The following MRC2 variants were observed in gnomAD, a reference collection of about 807,000 sequenced individuals.
MRC2 encodes the protein C-type mannose receptor 2.
MRC2 carries 84 observed loss-of-function variants against 206.2 expected under a neutral mutation model. The ratio of observed to expected loss-of-function variants is 0.41; its 90% CI spans 0.34 to 0.49. MRC2 has a LOEUF of 0.49. Ranked by LOEUF, MRC2 falls within the 20% of genes least tolerant of loss-of-function variation. The pLI, the probability that MRC2 is intolerant of heterozygous loss-of-function variation, is 0.31. For missense variants in MRC2, 1,676 were observed against 2,001.5 expected, an observed-to-expected ratio of 0.84 and a Z score of 3.10; for synonymous variants, 798 against 800.0, an observed-to-expected ratio of 1.00 and a Z score of 0.04.
intron 1 of MRC2, among the ~76,000 whole-genome samples, chr17:62,654,051 G>A (rs1157873296): frequency 6.6e-6 from 1 of 152,150 alleles, no homozygotes; most frequent in African/African-American, 2.4e-5. Flanking sequence ...TGGCCTGGAG[G>A]TTAAGCAGCT....
chr17:62,655,996 C>G (rs1262755895), intron 1 of MRC2, among the ~76,000 whole-genome samples: 2 of 152,086 alleles, frequency 1.3e-5, no homozygotes, highest in African/African-American at 4.8e-5. Context: ...CTCAGTTATT[C>G]CTCCTGCCTC....
chr17:62,634,226 G>A (rs746114103), intron 1 of MRC2, among the ~76,000 whole-genome samples: 3 of 152,116 alleles, frequency 2.0e-5, no homozygotes, highest in African/African-American at 4.8e-5. Flanking sequence ...CTGTCGTGGC[G>A]CTGATAGGAG....
rs1291124019 is a variant in MRC2, at chr17:62,667,835, C to T, written c.1117+302C>T. Among the ~76,000 whole-genome samples, 1 of 152,204 alleles carries T rather than the reference C, an allele frequency of 6.6e-6. No individual in the cohort carries two copies. Among genetic ancestry groups the T allele is most frequent in the Non-Finnish European group, 1.5e-5 (1 of 68,042 alleles). On this transcript the variant is annotated intron_variant, in intron 6 of 29. Coordinates refer to ENST00000303375, the MANE Select transcript of MRC2 (RefSeq NM_006039.5). This position sits in a 1 kb window ranked among gnomAD's most constrained non-coding sequence, Gnocchi z 4.1. Reference sequence around the variant, plus strand: ...TCAATGCAGTTAGACTATCCCAGGTCATGAGTGATTATAGAAATATGGATC... The same window carrying T: ...TCAATGCAGTTAGACTATCCCAGGTTATGAGTGATTATAGAAATATGGATC...
Position 62,675,869 on chromosome 17 carries a change from C to T in MRC2, c.1649C>T (p.Thr550Ile), listed in dbSNP as rs1269891915. The T allele has an allele frequency of 6.2e-7, 1 of 1,614,158 alleles. No homozygotes were observed. Among genetic ancestry groups the T allele is most frequent in the Non-Finnish European group, 8.5e-7 (1 of 1,180,010 alleles). The change falls in exon 10 of 30, where the codon ACT (threonine) becomes ATT (isoleucine). Residue 550 changes from threonine (T) to isoleucine (I), a missense_variant. Around this residue, in one of 3 missense-constraint regions of MRC2, gnomAD observed 1,354 missense variants for 1,636.6 expected, o/e 0.83. Coordinates refer to ENST00000303375, the MANE Select transcript of MRC2 (RefSeq NM_006039.5). This position sits in a 1 kb window ranked among gnomAD's most constrained non-coding sequence, Gnocchi z 4.1. ...VTYSEARRLC[T>I]DHGSQLVTIT... is the part of the protein sequence containing the mutation. ...TACAGTGAGGCCCGGCGCCTGTGCA[C>T]TGACCATGGCTCTCAGCTGGTCACC... is the stretch of plus-strand genomic sequence containing the variant.
intron 1 of MRC2, among the ~76,000 whole-genome samples, chr17:62,651,339 C>T (rs897882638): frequency 5.9e-5 from 9 of 152,152 alleles, no homozygotes; most frequent in African/African-American, 2.2e-4. Context: ...ACCTCGGCCT[C>T]CCAGAGTGCT....
Position 62,688,847 on chromosome 17 carries a change from C to T in MRC2, c.3226-5C>T, listed in dbSNP as rs201713767. 13 of 1,607,090 alleles carry T rather than the reference C, an allele frequency of 8.1e-6. No homozygotes were observed. In the East Asian group the frequency reaches 8.9e-5, roughly 11 times the overall value. ...GGGCTCCCCTGAGCAGCTCCCTCCC[C>T]CCAGACCAGCTGTGCAGTGGTCCTG... is the stretch of plus-strand genomic sequence containing the variant. On this transcript the variant is annotated splice_polypyrimidine_tract_variant and splice_region_variant and intron_variant, in intron 22 of 29. Coordinates refer to ENST00000303375, the MANE Select transcript of MRC2 (RefSeq NM_006039.5).
At chr17:62,641,460 C>T (rs2460296) in intron 1 of MRC2, among the ~76,000 whole-genome samples, 99,588 of 151,980 alleles carry the variant, frequency 0.66, 32,853 homozygotes, top group East Asian at 0.81. Context: ...AGGAAGGACT[C>T]AACGGGAAGC....
At chr17:62,644,854 G>A (rs2088456366) in intron 1 of MRC2, among the ~76,000 whole-genome samples, 1 of 152,090 alleles carries the variant, frequency 6.6e-6, no homozygotes, top group Admixed American at 6.6e-5. Flanking sequence ...GTCACCAGCT[G>A]GAGCTGGTTC....
At position 62,652,421 on chromosome 17, in the gene MRC2, C is replaced by A. The variant is rs1300865158; in HGVS notation, c.119-12127C>A. On this transcript the variant is annotated intron_variant, in intron 1 of 29. Transcript: ENST00000303375. This position sits in a 1 kb window ranked among gnomAD's most constrained non-coding sequence, Gnocchi z 4.6. ...AAGTGATCGCGTGGCCACGGCGAGG[C>A]TCTGCCTCCGCCCCCGCGCTCCGGG... 6.6e-6 allele frequency among the ~76,000 whole-genome samples: 1 copy of A among 152,264 alleles called. No homozygotes were observed. Among genetic ancestry groups the A allele is most frequent in the African/African-American group, 2.4e-5 (1 of 41,472 alleles).
chr17:62,692,618 C>A lies in MRC2; in HGVS notation c.*167C>A. ...AGAGCCTGGGCTGGTGGGGTGCCAC[C>A]CTCCCACAAGGGCTGGGCTGAGACC... On this transcript the variant is annotated 3_prime_UTR_variant, in exon 30 of 30. Transcript: ENST00000303375. The surrounding 1 kb of genome is among the most constrained non-coding windows in gnomAD (Gnocchi z 4.2). The A allele has an allele frequency of 1.4e-6, 1 of 696,896 alleles. No homozygotes were observed. The highest frequency in any genetic ancestry group is 2.4e-6 in the Non-Finnish European group (1 of 423,832). 43.2% of individuals were successfully genotyped at this position (696,896 alleles called of 1,614,324 possible).
chr17:62,691,138 G>C lies in MRC2; in HGVS notation c.4192+10G>C, dbSNP rs770233232. On this transcript the variant is annotated intron_variant, in intron 28 of 29. Transcript: ENST00000303375. ...TGCAAGCTTCCTCGTGGTGAGCGCCGGGCAGGCCCACGCTCAGCCTCCTTC... is the reference window on the plus strand; with the variant it reads ...TGCAAGCTTCCTCGTGGTGAGCGCCCGGCAGGCCCACGCTCAGCCTCCTTC... 6.3e-7 allele frequency: 1 copy of C among 1,592,882 alleles called. No individual in the cohort carries two copies. The highest frequency in any genetic ancestry group is 8.5e-7 in the Non-Finnish European group (1 of 1,172,164).
Position 62,666,383 on chromosome 17 carries a change from T to G in MRC2, c.695-72T>G. On this transcript the variant is annotated intron_variant, in intron 3 of 29. Coordinates refer to ENST00000303375, the MANE Select transcript of MRC2 (RefSeq NM_006039.5). The surrounding 1 kb of genome is among the most constrained non-coding windows in gnomAD (Gnocchi z 5.0). ...CCCCTCCCCTACCTAGTGTAGCCTT[T>G]TGGTGGGGGAGGGTCTGCACTCCCG... 1 of 1,604,702 alleles carries G rather than the reference T, an allele frequency of 6.2e-7. No homozygotes were observed. The highest frequency in any genetic ancestry group is 8.5e-7 in the Non-Finnish European group (1 of 1,176,374).
At chr17:62,632,295 C>T (rs900940260) in intron 1 of MRC2, among the ~76,000 whole-genome samples, 4 of 152,054 alleles carry the variant, frequency 2.6e-5, no homozygotes, top group African/African-American at 7.2e-5. Flanking sequence ...GGAATTCCAC[C>T]GGTTGTTTCC....
Position 62,666,228 on chromosome 17 carries a change from TACGGCAA to T in MRC2, c.657_663del (p.Tyr219Ter), listed in dbSNP as rs2088752221. On this transcript the variant is annotated frameshift_variant, in exon 3 of 30. Transcript: ENST00000303375. LOFTEE classifies it high-confidence loss of function. The surrounding 1 kb of genome is among the most constrained non-coding windows in gnomAD (Gnocchi z 5.0). ...CCTGTGGTGTGCCACCACCCAGGAC[TACGGCAA>T]AGACGAGCGCTGGGGCTTCTGCCCC... 6.2e-7 allele frequency: 1 copy of T among 1,601,124 alleles called. No homozygotes were observed. Among genetic ancestry groups the T allele is most frequent in the Non-Finnish European group, 8.5e-7 (1 of 1,174,308 alleles).
In MRC2 at chr17:62,667,163, G is replaced by A. The variant is rs2088768096; in HGVS notation, c.974-227G>A. Reference sequence around the variant, plus strand: ...CAGCCTGGACGGGGAGGCCGGGGCGGGGCTGGTACTGGTTACTGGGTAGAA... The same window carrying A: ...CAGCCTGGACGGGGAGGCCGGGGCGAGGCTGGTACTGGTTACTGGGTAGAA... On this transcript the variant is annotated intron_variant, in intron 5 of 29. Coordinates refer to ENST00000303375, the MANE Select transcript of MRC2 (RefSeq NM_006039.5). The surrounding 1 kb of genome is among the most constrained non-coding windows in gnomAD (Gnocchi z 4.1). Among the ~76,000 whole-genome samples, 2 of 152,204 alleles carry A rather than the reference G, an allele frequency of 1.3e-5. No individual in the cohort carries two copies. The highest frequency in any genetic ancestry group is 2.1e-4 in the South Asian group (1 of 4,832).
chr17:62,679,938 G>A (rs763847565), intron 14 of MRC2, 36 bp downstream of exon 14: 11 of 1,574,628 alleles, frequency 7.0e-6, no homozygotes, highest in South Asian at 2.3e-5. Context: ...CTGCGAGGCC[G>A]GGAGCTTGGT....
At chr17:62,650,220 C>G (rs2088539710) in intron 1 of MRC2, among the ~76,000 whole-genome samples, 1 of 151,710 alleles carries the variant, frequency 6.6e-6, no homozygotes, top group South Asian at 2.1e-4. Context: ...CACCAGGATA[C>G]TGAAAAATGC....
chr17:62,667,960 A>C lies in MRC2; in HGVS notation c.1117+427A>C, dbSNP rs2088778321. Among the ~76,000 whole-genome samples the C allele has an allele frequency of 6.6e-6, 1 of 152,194 alleles. No homozygotes were observed. Among genetic ancestry groups the C allele is most frequent in the African/African-American group, 2.4e-5 (1 of 41,446 alleles). On this transcript the variant is annotated intron_variant, in intron 6 of 29. Transcript: ENST00000303375. This position sits in a 1 kb window ranked among gnomAD's most constrained non-coding sequence, Gnocchi z 4.1. ...GATTTGGGCCTTTCAAATTGAGTCT[A>C]AGTTTAAAAGATATAAAGAGGTGTG...
chr17:62,655,122 A>G (rs772003040), intron 1 of MRC2, among the ~76,000 whole-genome samples: 7 of 152,140 alleles, frequency 4.6e-5, no homozygotes, highest in Non-Finnish European at 1.0e-4. Context: ...TGTCTCTACT[A>G]TAAATACAAA....
Sources: gnomAD v4.1 joint callset for allele counts (sites outside exome capture counted in the v4.1 genomes callset) on GRCh38, gnomAD v4.1.1 for gene constraint, gnomAD v4.1.1 regional missense constraint, Gnocchi (gnomAD v3.1) non-coding constraint, MANE v1.5 for transcripts, NCBI Gene and HGNC (gene_info 2026-07-23, HGNC 2026-07-21) for gene names.